SLC22A24: variants seen among roughly 807,000 people sequenced by gnomAD.
SLC22A24 encodes steroid transmembrane transporter SLC22A24.
Under a neutral mutation model 49.8 loss-of-function variants are expected in SLC22A24, and 53 were observed. The ratio of observed to expected loss-of-function variants is 1.06; its 90% CI spans 0.85 to 1.34. SLC22A24 has a LOEUF of 1.34. Ranked by LOEUF, SLC22A24 falls within the 40% of genes most tolerant of loss-of-function variation. SLC22A24 has a pLI of 0.00. For missense variants in SLC22A24, 786 were observed against 675.9 expected, an observed-to-expected ratio of 1.16 and a Z score of -1.81; for synonymous variants, 302 against 256.4, an observed-to-expected ratio of 1.18 and a Z score of -1.70.
chr11:63,133,391 G>A (rs1329962267), intron 2 of SLC22A24, among the ~76,000 whole-genome samples: 1 of 152,160 alleles, frequency 6.6e-6, no homozygotes. Context: ...CCCATCTTCT[G>A]TGTTGATCTC....
At chr11:63,109,273 TC>T (rs1200015157) in intron 4 of SLC22A24, among the ~76,000 whole-genome samples, 30 of 144,656 alleles carry the variant, frequency 2.1e-4, no homozygotes, top group South Asian at 4.6e-4. Context: ...TGGTTCCAAG[TC>T]TTTGCTATCG....
intron 4 of SLC22A24, among the ~76,000 whole-genome samples, chr11:63,104,860 C>A (rs926298974): frequency 2.6e-5 from 4 of 152,186 alleles, no homozygotes; most frequent in Non-Finnish European, 5.9e-5. Flanking sequence ...TCCCAACAGT[C>A]CCCCAAAGTC....
chr11:63,143,002 G>A (rs1027833233), intron 1 of SLC22A24, among the ~76,000 whole-genome samples: 1 of 152,160 alleles, frequency 6.6e-6, no homozygotes, highest in African/African-American at 2.4e-5. Flanking sequence ...CCAGCAGAAT[G>A]CAGAAAAATT....
intron 2 of SLC22A24, among the ~76,000 whole-genome samples, chr11:63,131,176 G>A (rs1437693762): frequency 6.6e-6 from 1 of 151,968 alleles, no homozygotes; most frequent in Admixed American, 6.6e-5. Flanking sequence ...GTCTTTGTAT[G>A]TGAGCTGGGT....
chr11:63,080,113 G>T, intron 9 of SLC22A24, 113 bp from the exon 10 acceptor site: 1 of 644,514 alleles, frequency 1.6e-6, no homozygotes, highest in Non-Finnish European at 2.7e-6. Flanking sequence ...CTACCCACCA[G>T]CATTGTAATC....
intron 6 of SLC22A24, among the ~76,000 whole-genome samples, chr11:63,088,037 G>A (rs573275123): frequency 5.9e-5 from 9 of 152,322 alleles, no homozygotes; most frequent in African/African-American, 1.9e-4. Flanking sequence ...AGCTGATCCT[G>A]ACAAGAGTGA....
intron 4 of SLC22A24, among the ~76,000 whole-genome samples, chr11:63,111,371 G>A (rs981107438): frequency 6.6e-6 from 1 of 151,868 alleles, no homozygotes; most frequent in Non-Finnish European, 1.5e-5. Flanking sequence ...CATAAAATGA[G>A]TTAGGGAGGA....
At chr11:63,139,226 G>T (rs1446030741) in intron 1 of SLC22A24, among the ~76,000 whole-genome samples, 1 of 151,768 alleles carries the variant, frequency 6.6e-6, no homozygotes, top group Non-Finnish European at 1.5e-5. Flanking sequence ...GGGGCCCTAA[G>T]ATAATTTCTG....
intron 4 of SLC22A24, among the ~76,000 whole-genome samples, chr11:63,113,169 TATATATAC>T (rs2087184925): frequency 1.1e-4 from 1 of 9,036 alleles, no homozygotes; most frequent in African/African-American, 1.8e-4. Flanking sequence ...TATATACACA[TATATATAC>T]ATATATATAT....
intron 4 of SLC22A24, among the ~76,000 whole-genome samples, chr11:63,105,892 A>G (rs1010857968): frequency 2.6e-5 from 4 of 151,788 alleles, no homozygotes; most frequent in South Asian, 2.1e-4. Context: ...TCAAACATTT[A>G]TGCACTGTTG....
intron 2 of SLC22A24, among the ~76,000 whole-genome samples, chr11:63,128,860 G>T (rs1416064065): frequency 1.3e-5 from 2 of 152,084 alleles, no homozygotes; most frequent in Non-Finnish European, 2.9e-5. Flanking sequence ...TGGTGGTAGT[G>T]GTCCCCCAGG....
Position 63,104,278 on chromosome 11 carries a change from C to T in SLC22A24, c.851G>A (p.Arg284Gln), listed in dbSNP as rs753049206. 111 of 1,549,696 alleles carry T rather than the reference C, an allele frequency of 7.2e-5. 1 individual carries two copies. Among genetic ancestry groups the T allele is most frequent in the South Asian group, 1.7e-4 (14 of 83,878 alleles). Residue 284 changes from arginine to glutamine, a missense_variant, in exon 5 of 10, where the codon CGG becomes CAG. Physicochemically the swap from Arg to Gln is conservative, Grantham distance 43. Transcript: ENST00000612278. ...LSSWKMVESA[R>Q]WLIINNQLDE... Reference sequence around the variant, plus strand: ...TAGCTGATTGTTGATAATCAGCCACCGAGCAGACTCCACCATCTTCCTGAT... The same window carrying T: ...TAGCTGATTGTTGATAATCAGCCACTGAGCAGACTCCACCATCTTCCTGAT...
intron 2 of SLC22A24, among the ~76,000 whole-genome samples, chr11:63,122,950 A>G (rs997616267): frequency 3.3e-5 from 5 of 152,114 alleles, no homozygotes; most frequent in African/African-American, 7.2e-5. Context: ...AACACCTATC[A>G]TTTCTTTGTG....
At chr11:63,095,464 C>T (rs2087048257) in intron 6 of SLC22A24, among the ~76,000 whole-genome samples, 1 of 152,100 alleles carries the variant, frequency 6.6e-6, no homozygotes, top group Non-Finnish European at 1.5e-5. Context: ...ACACAGATAG[C>T]ATGATTCCAT....
At chr11:63,112,352 G>A (rs1023601333) in intron 4 of SLC22A24, among the ~76,000 whole-genome samples, 3 of 152,150 alleles carry the variant, frequency 2.0e-5, no homozygotes, top group Non-Finnish European at 4.4e-5. Context: ...GAGTTCTGTA[G>A]ATGTCTATTA....
chr11:63,124,394 G>C (rs1011111525), intron 2 of SLC22A24, among the ~76,000 whole-genome samples: 8 of 152,190 alleles, frequency 5.3e-5, no homozygotes, highest in Admixed American at 1.3e-4. Context: ...ATATTAACAG[G>C]AGTCAAACAC....
At chr11:63,093,740 G>C (rs75592587) in intron 6 of SLC22A24, among the ~76,000 whole-genome samples, 3,240 of 151,664 alleles carry the variant, frequency 0.021, 103 homozygotes, top group African/African-American at 0.073. Context: ...ATAACTAATG[G>C]GTATTAGGCT....
chr11:63,119,430 G>C, intron 2 of SLC22A24, 95 bp from the exon 3 acceptor site: 1 of 1,202,920 alleles, frequency 8.3e-7, no homozygotes, highest in Non-Finnish European at 1.1e-6. Context: ...TAGGATAAAT[G>C]TTTAACAAGT....
chr11:63,087,235 C>G (rs1290905199), intron 6 of SLC22A24, among the ~76,000 whole-genome samples: 2 of 152,066 alleles, frequency 1.3e-5, no homozygotes, highest in African/African-American at 2.4e-5. Flanking sequence ...ACTGAGGCAC[C>G]CAGTTCATCT....
Sources: gnomAD v4.1 joint callset for allele counts (sites outside exome capture counted in the v4.1 genomes callset) on GRCh38, gnomAD v4.1.1 for gene constraint, MANE v1.5 for transcripts, NCBI Gene and HGNC (gene_info 2026-07-23, HGNC 2026-07-21) for gene names.